EPG5: variants seen among roughly 807,000 people sequenced by gnomAD.
EPG5 encodes the protein ectopic P granules protein 5 homolog.
Under a neutral mutation model 302.7 loss-of-function variants are expected in EPG5, and 159 were observed. That is an observed-to-expected ratio of 0.53 (90% CI 0.46 to 0.60). The LOEUF (loss-of-function observed/expected upper bound fraction) is 0.60. Among genes scored for constraint, EPG5 ranks in the 20% least tolerant of loss-of-function variants. The pLI is 0.00. For missense variants in EPG5, 2,896 were observed against 3,092.4 expected, an observed-to-expected ratio of 0.94 and a Z score of 1.51; for synonymous variants, 1,158 against 1,136.8, an observed-to-expected ratio of 1.02 and a Z score of -0.37.
At chr18:45,886,656 C>G (rs1429941343) in intron 29 of EPG5, among the ~76,000 whole-genome samples, 1 of 152,058 alleles carries the variant, frequency 6.6e-6, no homozygotes, top group Admixed American at 6.6e-5. Flanking sequence ...TTATAATAAG[C>G]ATACATTAAT....
Position 45,916,515 on chromosome 18 carries a change from C to A in EPG5, c.3307G>T (p.Val1103Phe), listed in dbSNP as rs1037521116. 5.0e-6 allele frequency: 8 copies of A among 1,613,608 alleles called. No individual in the cohort carries two copies. In the Admixed American group the frequency reaches 1.2e-4, roughly 24 times the overall value. The change falls in exon 18 of 44, where the codon GTC becomes TTC. Residue 1103 changes from valine (V) to phenylalanine (F), a missense_variant. By Grantham distance (50) the Val-to-Phe change is conservative (BLOSUM62 -1). This residue lies in a region of EPG5 where 1,390 missense variants were observed against 1,430.0 expected (regional missense o/e 0.97). Transcript: ENST00000282041. ...SGVPQGVTQQVTHKVAQHLTG... is the reference protein window; with the variant it reads ...SGVPQGVTQQFTHKVAQHLTG... ...AGGTGCTGTGCCACCTTGTGGGTGACCTGTTGTGTGACACCCTGAGGGACA... is the reference window on the plus strand; with the variant it reads ...AGGTGCTGTGCCACCTTGTGGGTGAACTGTTGTGTGACACCCTGAGGGACA...
At position 45,860,232 on chromosome 18, in the gene EPG5, G is replaced by A. The variant is rs1272845915; in HGVS notation, c.6881C>T (p.Thr2294Ile). Residue 2294 changes from threonine to isoleucine, a missense_variant, in exon 40 of 44, where the codon ACC (threonine) becomes ATC (isoleucine). Physicochemically the swap from Thr to Ile is moderately conservative, Grantham distance 89 (BLOSUM62 -1). This residue lies in a region of EPG5 where 620 missense variants were observed against 704.2 expected (regional missense o/e 0.88). Coordinates refer to ENST00000282041, the MANE Select transcript of EPG5 (RefSeq NM_020964.3). Reference sequence around the variant, plus strand: ...CCCATGCATTTTTTGGCCAATCCAGGTCCGGATACTGCCCCGAAGGAACTC... The same window carrying A: ...CCCATGCATTTTTTGGCCAATCCAGATCCGGATACTGCCCCGAAGGAACTC... ...TAEFLRGSIR[T>I]WIGQKMHGLV... 1 of 1,614,210 alleles carries A rather than the reference G, an allele frequency of 6.2e-7. No homozygotes were observed. Among genetic ancestry groups the A allele is most frequent in the East Asian group, 2.2e-5 (1 of 44,886 alleles).
At chr18:45,882,193 G>T in intron 31 of EPG5, 81 bp downstream of exon 31, 2 of 1,215,394 alleles carry the variant, frequency 1.6e-6, no homozygotes, top group Non-Finnish European at 2.4e-6. Context: ...TCATATCTTT[G>T]AATAACATCT....
At chr18:45,853,021 C>A (rs760581552) in intron 43 of EPG5, among the ~76,000 whole-genome samples, 7 of 152,254 alleles carry the variant, frequency 4.6e-5, no homozygotes, top group Non-Finnish European at 1.0e-4. Flanking sequence ...CCCAGTCCCA[C>A]CTGTGGGGTC....
At chr18:45,940,597 G>A (rs1046998621) in intron 9 of EPG5, among the ~76,000 whole-genome samples, 1 of 152,172 alleles carries the variant, frequency 6.6e-6, no homozygotes, top group Non-Finnish European at 1.5e-5. Context: ...AAGGATGCAT[G>A]TCTTTCACAC....
chr18:45,898,071 A>G (rs556702026), intron 27 of EPG5, among the ~76,000 whole-genome samples: 1 of 152,348 alleles, frequency 6.6e-6, no homozygotes, highest in East Asian at 1.9e-4. Flanking sequence ...ATTAATGAAC[A>G]CAGGCTGGCC....
intron 10 of EPG5, among the ~76,000 whole-genome samples, chr18:45,935,845 C>T (rs1199425099): frequency 6.6e-6 from 1 of 152,202 alleles, no homozygotes; most frequent in Non-Finnish European, 1.5e-5. Context: ...CCCTCTCTGT[C>T]CTCCTTCAGT....
At chr18:45,867,995 G>A (rs576313919) in intron 36 of EPG5, 24 of 565,350 alleles carry the variant, frequency 4.2e-5, no homozygotes, top group African/African-American at 3.1e-4. Context: ...CTTAATAAGC[G>A]AGGAATGACC....
chr18:45,907,699 G>A (rs2049788075), intron 24 of EPG5, among the ~76,000 whole-genome samples: 1 of 151,994 alleles, frequency 6.6e-6, no homozygotes, highest in South Asian at 2.1e-4. Flanking sequence ...GTCAGAGGAA[G>A]GTTATGTTTA....
chr18:45,933,603 G>A (rs997616649), intron 11 of EPG5, among the ~76,000 whole-genome samples: 17 of 151,828 alleles, frequency 1.1e-4, no homozygotes, highest in Non-Finnish European at 2.2e-4. Flanking sequence ...ACTTGAGCCC[G>A]GGAGATGGAA....
the EPG5 span, among the ~76,000 whole-genome samples, chr18:45,817,511 G>C: frequency 6.6e-6 from 1 of 152,158 alleles, no homozygotes; most frequent in Non-Finnish European, 1.5e-5. Context: ...CTGGGCCCAG[G>C]GTATCTCATG....
At chr18:45,821,745 T>C in the EPG5 span, among the ~76,000 whole-genome samples, 6 of 152,142 alleles carry the variant, frequency 3.9e-5, no homozygotes, top group Admixed American at 6.5e-5. Flanking sequence ...TATAAGGAAC[T>C]CAAGCATCTC....
intron 36 of EPG5, among the ~76,000 whole-genome samples, chr18:45,869,025 A>C (rs1467934032): frequency 1.3e-5 from 2 of 151,318 alleles, no homozygotes; most frequent in Non-Finnish European, 2.9e-5. Context: ...ACTGCACTCC[A>C]GCCTGGGTGA....
At chr18:45,840,070 TCA>T in the EPG5 span, 2 of 861,624 alleles carry the variant, frequency 2.3e-6, no homozygotes, top group Non-Finnish European at 3.6e-6. Context: ...TGGCACAGCT[TCA>T]CACCCTGCTA....
intron 42 of EPG5, among the ~76,000 whole-genome samples, chr18:45,856,943 G>C (rs1318558773): frequency 1.3e-5 from 2 of 152,042 alleles, no homozygotes; most frequent in African/African-American, 4.8e-5. Context: ...TTTTGAGACA[G>C]AGTCTTGCTC....
chr18:45,917,227 C>T (rs1225575093), intron 17 of EPG5, among the ~76,000 whole-genome samples: 1 of 152,192 alleles, frequency 6.6e-6, no homozygotes, highest in Admixed American at 6.5e-5. Flanking sequence ...CAGCCAGATG[C>T]TTTACTCTTG....
intron 1 of EPG5, among the ~76,000 whole-genome samples, chr18:45,964,128 T>C (rs777381285): frequency 7.2e-5 from 11 of 152,192 alleles, no homozygotes; most frequent in Non-Finnish European, 1.6e-4. Context: ...ATAAAAAATA[T>C]AATCAATTGG....
At position 45,954,599 on chromosome 18, in the gene EPG5, C is replaced by A. The variant is rs763052295; in HGVS notation, c.803G>T (p.Trp268Leu). ...EQLKILEPGS[W>L]LENVESYLEE... ...TAAATATGACTCAACATTTTCCAGC[C>A]ATGAACCAGGCTCCAAGATTTTTAG... is the stretch of plus-strand genomic sequence containing the variant. The change falls in exon 2 of 44, where the codon TGG (tryptophan) becomes TTG (leucine). Residue 268 changes from tryptophan (W) to leucine (L), a missense_variant. Physicochemically the swap from Trp to Leu is moderately conservative, Grantham distance 61. Coordinates refer to ENST00000282041, the MANE Select transcript of EPG5 (RefSeq NM_020964.3). 1 of 1,614,252 alleles carries A rather than the reference C, an allele frequency of 6.2e-7. No individual in the cohort carries two copies. Among genetic ancestry groups the A allele is most frequent in the Non-Finnish European group, 8.5e-7 (1 of 1,180,042 alleles).
intron 3 of EPG5, among the ~76,000 whole-genome samples, chr18:45,952,120 C>T (rs2050922110): frequency 1.3e-5 from 2 of 152,162 alleles, no homozygotes; most frequent in African/African-American, 2.4e-5. Context: ...GTAACAAGCA[C>T]ATTAACTAGG....
Sources: allele counts gnomAD v4.1 joint callset (sites outside exome capture counted in the v4.1 genomes callset), GRCh38; gene constraint gnomAD v4.1.1; regional missense constraint gnomAD v4.1.1; transcripts MANE v1.5; gene names NCBI Gene and HGNC (gene_info 2026-07-23, HGNC 2026-07-21).